The following CLDN16 variants were observed in gnomAD, a reference collection of about 807,000 sequenced individuals.
The protein encoded by CLDN16 is claudin-16.
A neutral mutation model predicts 24.6 loss-of-function variants in CLDN16; 13 were observed. That is an observed-to-expected ratio of 0.53 (90% CI 0.34 to 0.84). The LOEUF (loss-of-function observed/expected upper bound fraction) is 0.84. Among genes scored for constraint, CLDN16 ranks in the 40% least tolerant of loss-of-function variants. CLDN16 has a pLI of 0.01. For synonymous variants in CLDN16, 116 were observed against 106.7 expected (o/e 1.09, Z -0.54); for missense variants, 298 against 292.7 (o/e 1.02, Z -0.13).
intron 1 of CLDN16, among the ~76,000 whole-genome samples, chr3:190,356,940 A>T (rs561210675): frequency 6.6e-6 from 1 of 151,946 alleles, no homozygotes; most frequent in African/African-American, 2.4e-5. Flanking sequence ...TGGAGTTGGC[A>T]TATAATTCGC....
At chr3:190,401,804 C>T (rs2108669866) in intron 1 of CLDN16, among the ~76,000 whole-genome samples, 1 of 152,012 alleles carries the variant, frequency 6.6e-6, no homozygotes, top group Admixed American at 6.5e-5. Context: ...GGCATCTTTT[C>T]ATTTATTGGT....
chr3:190,387,213 T>G (rs531671220), upstream of CLDN16, among the ~76,000 whole-genome samples: 1 of 152,336 alleles, frequency 6.6e-6, no homozygotes, highest in Non-Finnish European at 1.5e-5. Flanking sequence ...TATATGTGCT[T>G]TTTAAAGCAT....
intron 1 of CLDN16, among the ~76,000 whole-genome samples, chr3:190,335,201 G>A (rs1386048071): frequency 4.6e-5 from 7 of 151,512 alleles, no homozygotes; most frequent in Admixed American, 3.9e-4. Context: ...CCGCCACCAT[G>A]CCCAGCTAAT....
chr3:190,371,504 A>C (rs1718142222), intron 2 of CLDN16, among the ~76,000 whole-genome samples: 1 of 151,938 alleles, frequency 6.6e-6, no homozygotes, highest in African/African-American at 2.4e-5. Context: ...TAGTCCAGGC[A>C]GAAGGAATCA....
chr3:190,357,534 A>C (rs1717800114), intron 1 of CLDN16, among the ~76,000 whole-genome samples: 1 of 151,436 alleles, frequency 6.6e-6, no homozygotes, highest in South Asian at 2.1e-4. Flanking sequence ...TAAACTTCAA[A>C]TGTGACCCCT....
chr3:190,299,900 T>C, the CLDN16 span, among the ~76,000 whole-genome samples: 1 of 152,170 alleles, frequency 6.6e-6, no homozygotes, highest in Non-Finnish European at 1.5e-5. Flanking sequence ...CATAAGGTGG[T>C]AAGAGTGAGG....
upstream of CLDN16, chr3:190,322,526 T>TTGATGATA: frequency 3.2e-6 from 1 of 314,372 alleles, no homozygotes. Context: ...CCTGGCGGTT[T>TTGATGATA]CAGGGCGGCT....
chr3:190,331,441 T>A (rs1458378750), intron 1 of CLDN16, among the ~76,000 whole-genome samples: 1 of 152,204 alleles, frequency 6.6e-6, no homozygotes, highest in East Asian at 1.9e-4. Context: ...TAGCATTTAG[T>A]TATAATCTAG....
At chr3:190,291,753 C>T in the CLDN16 span, among the ~76,000 whole-genome samples, 1 of 152,086 alleles carries the variant, frequency 6.6e-6, no homozygotes, top group African/African-American at 2.4e-5. Flanking sequence ...TTCCAAGATA[C>T]AATGGGGATA....
the CLDN16 span, among the ~76,000 whole-genome samples, chr3:190,310,638 G>A: frequency 6.6e-6 from 1 of 152,160 alleles, no homozygotes; most frequent in Admixed American, 6.5e-5. Context: ...TGCAAAAGGG[G>A]AAGATGAAAA....
chr3:190,328,515 A>G (rs1717117584), intron 1 of CLDN16, among the ~76,000 whole-genome samples: 1 of 152,128 alleles, frequency 6.6e-6, no homozygotes, highest in East Asian at 1.9e-4. Flanking sequence ...CTGTATCTGG[A>G]ACTTGGAAAG....
chr3:190,402,747 G>A lies in CLDN16; in HGVS notation c.217+308G>A, dbSNP rs572698245. Among the ~76,000 whole-genome samples, 16 of 152,180 alleles carry A rather than the reference G, an allele frequency of 1.1e-4. No homozygotes were observed. In the South Asian group the frequency reaches 2.3e-3, roughly 22 times the overall value. ...GCTTACAGTAAATGGTTTTTTAATC[G>A]AAATAAACTCTTTAGGGTGCTGTAA... On this transcript the variant is annotated intron_variant, in intron 2 of 4. Transcript: ENST00000264734.
chr3:190,310,114 T>C, the CLDN16 span: 5 of 1,445,766 alleles, frequency 3.5e-6, no homozygotes, highest in Non-Finnish European at 4.9e-6. Flanking sequence ...CTTTGTAGAA[T>C]ATAAAAAGGG....
intron 2 of CLDN16, among the ~76,000 whole-genome samples, chr3:190,404,277 G>A (rs1052162630): frequency 2.0e-5 from 3 of 152,044 alleles, no homozygotes; most frequent in African/African-American, 4.8e-5. Flanking sequence ...CTGGCAAAAA[G>A]AAGTCTTGAA....
In CLDN16 at chr3:190,331,351, C is replaced by T. The variant is rs112446470; in HGVS notation, n.121+8690C>T. Among the ~76,000 whole-genome samples the T allele has an allele frequency of 1.1e-3, 172 of 152,264 alleles. 2 individuals carry two copies. The highest frequency in any genetic ancestry group is 4.0e-3 in the African/African-American group (167 of 41,556). On this transcript the variant is annotated intron_variant and non_coding_transcript_variant, in intron 1 of 4. Transcript: ENST00000468220. ...CTAAACACAGCTCCAGGATTTAGAA[C>T]AGCCAAAGGCTTGTTTATTATTTGC... is the stretch of plus-strand genomic sequence containing the variant.
chr3:190,316,047 A>G, the CLDN16 span, among the ~76,000 whole-genome samples: 402 of 152,344 alleles, frequency 2.6e-3, 2 homozygotes, highest in African/African-American at 8.7e-3. Context: ...CACTTCATCT[A>G]CAAAGTGTTC....
At chr3:190,394,801 AT>A (rs34965636) in intron 1 of CLDN16, among the ~76,000 whole-genome samples, 3 of 152,124 alleles carry the variant, frequency 2.0e-5, no homozygotes, top group South Asian at 2.1e-4. Flanking sequence ...TGAAATGATC[AT>A]TTTTTTAAAG....
chr3:190,305,288 C>T, the CLDN16 span, among the ~76,000 whole-genome samples: 1 of 152,318 alleles, frequency 6.6e-6, no homozygotes, highest in Non-Finnish European at 1.5e-5. Context: ...AGTTCCATCA[C>T]ATCCTTATGG....
At chr3:190,386,445 C>T (rs1043818892), upstream of CLDN16, among the ~76,000 whole-genome samples, 1 of 152,106 alleles carries the variant, frequency 6.6e-6, no homozygotes, top group Non-Finnish European at 1.5e-5. Flanking sequence ...CTGGATCCTA[C>T]ACACACTATA....
Sources: gnomAD v4.1 joint callset for allele counts (sites outside exome capture counted in the v4.1 genomes callset) on GRCh38, gnomAD v4.1.1 for gene constraint, MANE v1.5 for transcripts, NCBI Gene and HGNC (gene_info 2026-07-23, HGNC 2026-07-21) for gene names.